Variants in OR6P1 observed in about 807,000 individuals in gnomAD.
OR6P1 encodes the protein olfactory receptor family 6 subfamily P member 1, also known as olfactory receptor 6P1.
OR6P1 carries 5 observed loss-of-function variants against 6.6 expected under a neutral mutation model. The observed-to-expected ratio is 0.76, with a 90% CI of 0.40 to 1.60. OR6P1 has a LOEUF of 1.60. OR6P1 is among the 40% of genes most tolerant of loss of function. The pLI, the probability that OR6P1 is intolerant of heterozygous loss-of-function variation, is 0.02. For missense variants in OR6P1, 451 were observed against 383.0 expected (o/e 1.18, Z -1.48); for synonymous variants, 177 against 149.6 (o/e 1.18, Z -1.33).
chr1:158,570,053 G>A (rs1648201077), intron 1 of OR6P1, among the ~76,000 whole-genome samples: 1 of 152,134 alleles, frequency 6.6e-6, no homozygotes, highest in Non-Finnish European at 1.5e-5. Context: ...TTGCCTTAGG[G>A]CAAGGGAAGT....
At chr1:158,569,431 T>G (rs1480452922) in intron 1 of OR6P1, among the ~76,000 whole-genome samples, 1 of 152,218 alleles carries the variant, frequency 6.6e-6, no homozygotes, top group Admixed American at 6.5e-5. Context: ...GCCCTGTGCA[T>G]AGGTATATCC....
rs982592523 is a variant in OR6P1, at chr1:158,562,408, TG to T, written c.*242del. On this transcript the variant is annotated 3_prime_UTR_variant, in exon 3 of 3. Transcript: ENST00000641540. ...CAGTAAGACTCTCCACATATTTTTT[TG>T]GGGGAATCTGTATTTTAACAAATTC... The T allele has an allele frequency of 3.1e-5, 15 of 477,078 alleles. No homozygotes were observed. Among genetic ancestry groups the T allele is most frequent in the Non-Finnish European group, 1.1e-5 (3 of 265,616 alleles). 29.6% of individuals were successfully genotyped at this position (477,078 alleles called of 1,614,324 possible).
rs1467540809 is a variant in OR6P1, at chr1:158,568,189, A to C, written c.-117-1331T>G. On this transcript the variant is annotated intron_variant, in intron 1 of 2. Transcript: ENST00000641540. ...CTCCCAGTCTGCCCTCCCTGTTTGA[A>C]GAGGCCCTCCTCGATAGACTACTTC... Among the ~76,000 whole-genome samples, 3 of 152,148 alleles carry C rather than the reference A, an allele frequency of 2.0e-5. 1 individual carries two copies. The South Asian group carries it at 6.2e-4, about 32-fold the overall frequency.
Position 158,561,195 on chromosome 1 carries a change from G to A in OR6P1, c.*1456C>T, listed in dbSNP as rs1647942364. On this transcript the variant is annotated 3_prime_UTR_variant, in exon 3 of 3. Coordinates refer to ENST00000641540, the MANE Select transcript of OR6P1 (RefSeq NM_001160325.2). ...TTATTAGTAAAGCCAGGATCAAATT[G>A]AAATTTGCTCGTTCTAGGGTCTGAA... The A allele has an allele frequency of 6.6e-6, 1 of 152,114 alleles. No individual in the cohort carries two copies. Among genetic ancestry groups the A allele is most frequent in the South Asian group, 2.1e-4 (1 of 4,826 alleles). 9.4% of individuals were successfully genotyped at this position (152,114 alleles called of 1,614,324 possible). A position where few individuals can be genotyped will look rare whatever the true frequency, so the allele number is the denominator to read the frequency against.
At chr1:158,570,173 C>T (rs1186072568) in intron 1 of OR6P1, among the ~76,000 whole-genome samples, 1 of 152,210 alleles carries the variant, frequency 6.6e-6, no homozygotes, top group African/African-American at 2.4e-5. Flanking sequence ...AATGCCTTCA[C>T]AAATCTCTAA....
Position 158,562,706 on chromosome 1 carries a change from G to C in OR6P1, c.899C>G (p.Ala300Gly). ...YCLRNKEVKE[A>G]FRKTVMGRCH... ...TCTGCCCATCACTGTCTTCCTGAAG[G>C]CCTCCTTCACCTCCTTGTTCCTCAG... is the stretch of plus-strand genomic sequence containing the variant. The change falls in exon 3 of 3, where the codon GCC (alanine) becomes GGC (glycine). Residue 300 changes from alanine to glycine, a missense_variant. Transcript: ENST00000641540. 1 of 1,561,050 alleles carries C rather than the reference G, an allele frequency of 6.4e-7. No individual in the cohort carries two copies. The highest frequency in any genetic ancestry group is 1.2e-5 in the South Asian group (1 of 84,536).
In OR6P1 at chr1:158,563,101, G is replaced by A. The variant is rs1233424658; in HGVS notation, c.504C>T (p.Tyr168=). 1 of 1,551,880 alleles carries A rather than the reference G, an allele frequency of 6.4e-7. No individual in the cohort carries two copies. The highest frequency in any genetic ancestry group is 1.4e-5 in the African/African-American group (1 of 73,172). ...MKLLFISQLS[Y]CGPNIINHFF... ...AGTGGTTGATAATGTTGGGTCCACAGTAGGACAATTGGGAAATAAAAAGAA... is the reference window on the plus strand; with the variant it reads ...AGTGGTTGATAATGTTGGGTCCACAATAGGACAATTGGGAAATAAAAAGAA... The change falls in exon 3 of 3, where the codon TAC becomes TAT. Residue 168 remains tyrosine, a synonymous_variant. Coordinates refer to ENST00000641540, the MANE Select transcript of OR6P1 (RefSeq NM_001160325.2).
intron 1 of OR6P1, among the ~76,000 whole-genome samples, chr1:158,569,108 T>G (rs1173365530): frequency 6.6e-6 from 1 of 152,220 alleles, no homozygotes; most frequent in Non-Finnish European, 1.5e-5. Flanking sequence ...GCTGGTAATA[T>G]TTGTCATTCC....
In OR6P1 at chr1:158,561,624, A is replaced by G. The variant is rs867336995; in HGVS notation, c.*1027T>C. ...TGCAGAAATTTGTGTAAATGAGCCT[A>G]GATTCAAGATAAGAAAAATTTCTCT... On this transcript the variant is annotated 3_prime_UTR_variant, in exon 3 of 3. Transcript: ENST00000641540. The G allele has an allele frequency of 2.2e-4, 33 of 152,244 alleles. No homozygotes were observed. The highest frequency in any genetic ancestry group is 8.0e-4 in the African/African-American group (33 of 41,470). The allele number at this position is 152,244 out of a possible 1,614,324, so 9.4% of individuals were successfully genotyped here.
chr1:158,566,208 T>C (rs1648093466), intron 2 of OR6P1, among the ~76,000 whole-genome samples: 1 of 151,958 alleles, frequency 6.6e-6, no homozygotes, highest in Non-Finnish European at 1.5e-5. Context: ...CTTAGAGGAG[T>C]TGAAGATGAG....
At position 158,561,207 on chromosome 1, in the gene OR6P1, T is replaced by C. The variant is rs1214002416; in HGVS notation, c.*1444A>G. 1 of 152,172 alleles carries C rather than the reference T, an allele frequency of 6.6e-6. No individual in the cohort carries two copies. The highest frequency in any genetic ancestry group is 2.4e-5 in the African/African-American group (1 of 41,438). The allele number at this position is 152,172 out of a possible 1,614,324, so 9.4% of individuals were successfully genotyped here. On this transcript the variant is annotated 3_prime_UTR_variant, in exon 3 of 3. Coordinates refer to ENST00000641540, the MANE Select transcript of OR6P1 (RefSeq NM_001160325.2). The stretch of plus-strand genomic sequence containing the variant: ...CCAGGATCAAATTGAAATTTGCTCG[T>C]TCTAGGGTCTGAATTCTGAACTCCA...
intron 1 of OR6P1, among the ~76,000 whole-genome samples, chr1:158,569,771 A>G (rs1648193602): frequency 6.6e-6 from 1 of 152,164 alleles, no homozygotes; most frequent in Admixed American, 6.5e-5. Context: ...AAGATCATAC[A>G]TCTAGAAAAT....
In OR6P1 at chr1:158,563,593, C is replaced by T; in HGVS notation, c.12G>A (p.Leu4=). The T allele has an allele frequency of 6.5e-7, 1 of 1,539,174 alleles. No individual in the cohort carries two copies. The highest frequency in any genetic ancestry group is 8.7e-7 in the Non-Finnish European group (1 of 1,143,576). Residue 4 remains leucine, a synonymous_variant, in exon 3 of 3, where the codon TTG becomes TTA. Transcript: ENST00000641540. The part of the protein sequence containing the change: MRN[L]SGGHVEEFVL... ...CAAACTCCTCGACATGGCCTCCACT[C>T]AAATTTCTCATGGCTCTCTGTCCAC...
chr1:158,560,997 G>C lies in OR6P1; in HGVS notation c.*1654C>G, dbSNP rs1449363530. 2 of 151,940 alleles carry C rather than the reference G, an allele frequency of 1.3e-5. No individual in the cohort carries two copies. Among genetic ancestry groups the C allele is most frequent in the Admixed American group, 6.6e-5 (1 of 15,240 alleles). 9.4% of individuals were successfully genotyped at this position (151,940 alleles called of 1,614,324 possible). ...GAACCAGAACTAGAAATTAATCCAA[G>C]ATCAAATTTATCCAAAAGGAAAGAG... On this transcript the variant is annotated 3_prime_UTR_variant, in exon 3 of 3. Coordinates refer to ENST00000641540, the MANE Select transcript of OR6P1 (RefSeq NM_001160325.2).
At chr1:158,565,714 A>G (rs1648079728) in intron 2 of OR6P1, among the ~76,000 whole-genome samples, 2 of 152,222 alleles carry the variant, frequency 1.3e-5, no homozygotes, top group Non-Finnish European at 1.5e-5. Flanking sequence ...TGTAAGACTT[A>G]TTACCACAAT....
At chr1:158,565,525 A>G (rs1038486560) in intron 2 of OR6P1, among the ~76,000 whole-genome samples, 12 of 152,160 alleles carry the variant, frequency 7.9e-5, no homozygotes, top group Non-Finnish European at 1.2e-4. Flanking sequence ...TTTTAAGACT[A>G]TGAGTGCTTT....
chr1:158,569,923 TTTTG>T (rs1454502621), intron 1 of OR6P1, among the ~76,000 whole-genome samples: 10 of 152,218 alleles, frequency 6.6e-5, no homozygotes, highest in Non-Finnish European at 7.3e-5. Flanking sequence ...AATAAAGGGT[TTTTG>T]TTTGTTTGTC....
At chr1:158,570,038 G>A (rs1233823203) in intron 1 of OR6P1, among the ~76,000 whole-genome samples, 1 of 151,880 alleles carries the variant, frequency 6.6e-6, no homozygotes, top group Non-Finnish European at 1.5e-5. Context: ...GTATTTCTTT[G>A]GGTCTTGCCT....
At chr1:158,570,046 C>A (rs1246919761) in intron 1 of OR6P1, among the ~76,000 whole-genome samples, 1 of 152,110 alleles carries the variant, frequency 6.6e-6, no homozygotes, top group Admixed American at 6.6e-5. Context: ...TTGGGTCTTG[C>A]CTTAGGGCAA....
Sources: gnomAD v4.1 joint callset for allele counts (sites outside exome capture counted in the v4.1 genomes callset) on GRCh38, gnomAD v4.1.1 for gene constraint, MANE v1.5 for transcripts, NCBI Gene and HGNC (gene_info 2026-07-23, HGNC 2026-07-21) for gene names.